ABCA12: variants seen among roughly 807,000 people sequenced by gnomAD.
ABCA12 encodes the protein glucosylceramide transporter ABCA12.
ABCA12 carries 156 observed loss-of-function variants against 293.5 expected under a neutral mutation model. The observed-to-expected ratio is 0.53, with a 90% CI of 0.47 to 0.61. The LOEUF (loss-of-function observed/expected upper bound fraction) is 0.61, where lower values mean the gene tolerates loss of function less well. ABCA12 is among the 20% of genes least tolerant of loss of function. The probability of loss-of-function intolerance (pLI) is 0.00; values close to 1 mark genes in which losing one functional copy is unlikely to be tolerated. For missense variants in ABCA12, 2,797 were observed against 3,090.2 expected, an observed-to-expected ratio of 0.91 and a Z score of 2.25; for synonymous variants, 1,063 against 1,108.0, an observed-to-expected ratio of 0.96 and a Z score of 0.81.
intron 6 of ABCA12, among the ~76,000 whole-genome samples, chr2:215,049,379 T>G (rs1479870837): frequency 2.0e-5 from 3 of 152,322 alleles, no homozygotes; most frequent in Admixed American, 2.0e-4. Flanking sequence ...AGCCATATTT[T>G]ATTTATAAAG....
At chr2:215,022,647 G>A (rs928225226) in intron 11 of ABCA12, 6 of 152,170 alleles carry the variant, frequency 3.9e-5, no homozygotes, top group African/African-American at 9.6e-5. Flanking sequence ...ATAGAACAAC[G>A]GATGACTAAT....
chr2:215,068,678 C>T (rs1322689045), intron 2 of ABCA12, among the ~76,000 whole-genome samples: 13 of 151,962 alleles, frequency 8.6e-5, no homozygotes, highest in Non-Finnish European at 1.5e-5. Context: ...TCACTACTTC[C>T]TCTTTTCGTT....
chr2:214,962,589 T>G (rs923501489), intron 39 of ABCA12: 1 of 152,186 alleles, frequency 6.6e-6, no homozygotes, highest in Non-Finnish European at 1.5e-5. Flanking sequence ...TCTACAGAAC[T>G]TTCTATCCCA....
chr2:215,015,690 C>A, intron 14 of ABCA12, 27 bp from the exon 15 acceptor site: 1 of 1,606,284 alleles, frequency 6.2e-7, no homozygotes, highest in South Asian at 1.1e-5. Flanking sequence ...AAAAATATTT[C>A]AACTGTGAAT....
intron 1 of ABCA12, among the ~76,000 whole-genome samples, chr2:215,114,730 G>A (rs903207896): frequency 1.3e-5 from 2 of 152,110 alleles, no homozygotes; most frequent in Non-Finnish European, 1.5e-5. Flanking sequence ...TGAATACAAG[G>A]TATCGTCTTT....
chr2:215,131,446 T>A (rs1423305411), intron 1 of ABCA12, among the ~76,000 whole-genome samples: 1 of 152,086 alleles, frequency 6.6e-6, no homozygotes, highest in Non-Finnish European at 1.5e-5. Flanking sequence ...TTTCTATTTC[T>A]TCCTGGTTTA....
chr2:215,122,165 C>T (rs1702819740), intron 1 of ABCA12, among the ~76,000 whole-genome samples: 1 of 152,146 alleles, frequency 6.6e-6, no homozygotes, highest in African/African-American at 2.4e-5. Context: ...TCTATTGCTC[C>T]CATTTCTGAA....
At chr2:214,934,034 T>C (rs1384490574) in intron 52 of ABCA12, 44 bp downstream of exon 52, 1 of 1,582,544 alleles carries the variant, frequency 6.3e-7, no homozygotes, top group African/African-American at 1.3e-5. Context: ...AATAATAATA[T>C]TAATATGTGA....
At chr2:214,963,723 G>T (rs550253044) in intron 39 of ABCA12, among the ~76,000 whole-genome samples, 2 of 151,050 alleles carry the variant, frequency 1.3e-5, no homozygotes, top group African/African-American at 4.9e-5. Context: ...AGACCAGCCT[G>T]CCCGGTAGAG....
At chr2:215,082,911 T>C (rs1701970910) in intron 2 of ABCA12, 2 of 152,328 alleles carry the variant, frequency 1.3e-5, no homozygotes, top group African/African-American at 4.8e-5. Flanking sequence ...CACATAACCA[T>C]GGAAGATAAA....
chr2:214,995,652 C>A (rs1281878560), intron 23 of ABCA12, among the ~76,000 whole-genome samples: 1 of 152,078 alleles, frequency 6.6e-6, no homozygotes, highest in Non-Finnish European at 1.5e-5. Context: ...GAGCAGGAGG[C>A]ACTAGGGACA....
In ABCA12 at chr2:214,990,742, G is replaced by C; in HGVS notation, c.3584C>G (p.Thr1195Arg). 6.2e-7 allele frequency: 1 copy of C among 1,614,022 alleles called. No individual in the cohort carries two copies. Among genetic ancestry groups the C allele is most frequent in the East Asian group, 2.2e-5 (1 of 44,872 alleles). ...IAFFPFIVLV[T>R]VENELSYVLK... Reference sequence around the variant, plus strand: ...TACATAGCTCAACTCATTCTCCACTGTAACCAGAACAATAAATGGAAAGAA... The same window carrying C: ...TACATAGCTCAACTCATTCTCCACTCTAACCAGAACAATAAATGGAAAGAA... Residue 1195 changes from threonine to arginine, a missense_variant, in exon 24 of 53, where the codon ACA becomes AGA. By Grantham distance (71) the Thr-to-Arg change is moderately conservative. This residue lies in a region of ABCA12 where 2,130 missense variants were observed against 2,427.0 expected (regional missense o/e 0.88). Transcript: ENST00000272895.
chr2:214,955,147 T>C, intron 43 of ABCA12, 55 bp downstream of exon 43: 3 of 1,582,422 alleles, frequency 1.9e-6, no homozygotes, highest in Non-Finnish European at 2.6e-6. Flanking sequence ...ATAAAATCTT[T>C]CCACCTGGAA....
intron 2 of ABCA12, among the ~76,000 whole-genome samples, chr2:215,100,462 G>T (rs1177270731): frequency 6.6e-6 from 1 of 152,050 alleles, no homozygotes; most frequent in African/African-American, 2.4e-5. Context: ...ACATCCAGTA[G>T]TTTTCATTGC....
At chr2:215,097,504 C>T (rs564878678) in intron 2 of ABCA12, among the ~76,000 whole-genome samples, 182 of 152,204 alleles carry the variant, frequency 1.2e-3, no homozygotes, top group African/African-American at 4.2e-3. Context: ...TAAATATTTG[C>T]TTAACAAATA....
chr2:215,084,330 A>G (rs1285680374), intron 2 of ABCA12, among the ~76,000 whole-genome samples: 1 of 61,336 alleles, frequency 1.6e-5, no homozygotes, highest in Non-Finnish European at 3.2e-5. Flanking sequence ...TACAGACTGC[A>G]TTATTTCAGA....
intron 3 of ABCA12, among the ~76,000 whole-genome samples, chr2:215,059,240 T>C (rs1701479881): frequency 6.6e-6 from 1 of 152,122 alleles, no homozygotes; most frequent in South Asian, 2.1e-4. Context: ...CACTTCCAGA[T>C]GACATTTGTC....
intron 42 of ABCA12, among the ~76,000 whole-genome samples, 182 bp downstream of exon 42, chr2:214,956,481 T>C (rs1022154526): frequency 2.2e-5 from 3 of 134,542 alleles, no homozygotes; most frequent in Admixed American, 1.5e-4. Context: ...ACAACATTAA[T>C]TTTCAAAAGT....
At position 215,134,538 on chromosome 2, in the gene ABCA12, A is replaced by G. The variant is rs980772491; in HGVS notation, c.69+3602T>C. ...TATGTGTATATATACGTATATATGT[A>G]CATATATACGTATATGTATATATGT... On this transcript the variant is annotated intron_variant, in intron 1 of 52. Coordinates refer to ENST00000272895, the MANE Select transcript of ABCA12 (RefSeq NM_173076.3). 7.3e-4 allele frequency among the ~76,000 whole-genome samples: 96 copies of G among 131,902 alleles called. 4 individuals carry two copies. Among genetic ancestry groups the G allele is most frequent in the Admixed American group, 1.7e-3 (22 of 12,992 alleles). The allele number at this position is 131,902 out of a possible 152,430, so 86.5% of individuals were successfully genotyped here.
Sources: gnomAD v4.1 joint callset for allele counts (sites outside exome capture counted in the v4.1 genomes callset) on GRCh38, gnomAD v4.1.1 for gene constraint, gnomAD v4.1.1 regional missense constraint, MANE v1.5 for transcripts, NCBI Gene and HGNC (gene_info 2026-07-23, HGNC 2026-07-21) for gene names.